BAIAP2: variants seen among roughly 807,000 people sequenced by gnomAD.
BAIAP2 encodes BAR/IMD domain-containing adapter protein 2.
BAIAP2 carries 18 observed loss-of-function variants against 63.0 expected under a neutral mutation model. The ratio of observed to expected loss-of-function variants is 0.29; its 90% CI spans 0.20 to 0.42. The LOEUF is 0.42. Among genes scored for constraint, BAIAP2 ranks in the 10% least tolerant of loss-of-function variants. The pLI, the probability that BAIAP2 is intolerant of heterozygous loss-of-function variation, is 1.00. For synonymous variants in BAIAP2, 386 were observed against 307.6 expected (o/e 1.25, Z -2.67); for missense variants, 610 against 734.3 (o/e 0.83, Z 1.96).
At chr17:81,048,665 G>A (rs2048198674) in intron 1 of BAIAP2, among the ~76,000 whole-genome samples, 1 of 152,138 alleles carries the variant, frequency 6.6e-6, no homozygotes, top group Admixed American at 6.5e-5. Flanking sequence ...AATGTTCTCT[G>A]ACGGCCACCT....
At chr17:81,114,136 AT>A (rs58461450) in intron 13 of BAIAP2, among the ~76,000 whole-genome samples, 18,636 of 124,526 alleles carry the variant, frequency 0.15, 1,264 homozygotes, top group Admixed American at 0.26. Flanking sequence ...CACCTGCCTA[AT>A]TTTTTTTTTT....
At chr17:81,081,126 G>C (rs1413688104) in intron 3 of BAIAP2, among the ~76,000 whole-genome samples, 1 of 152,220 alleles carries the variant, frequency 6.6e-6, no homozygotes, top group Non-Finnish European at 1.5e-5. Flanking sequence ...TGTCCAAGGG[G>C]CCCGAGAGCT....
rs532506888 is a variant in BAIAP2 at position 81,116,606 on chromosome 17, G to A, written c.*767G>A. The stretch of plus-strand genomic sequence containing the variant: ...CCCGCTGGCAGGTGGGGGCTTCCCC[G>A]CTTCCGGGGTCTGCCCCAGGACTCC... On this transcript the variant is annotated 3_prime_UTR_variant, in exon 14 of 14. Transcript: ENST00000428708. 13 of 445,252 alleles carry A rather than the reference G, an allele frequency of 2.9e-5. No individual in the cohort carries two copies. The East Asian group carries it at 3.5e-4, about 12-fold the overall frequency. 27.6% of individuals were successfully genotyped at this position (445,252 alleles called of 1,614,324 possible).
intron 1 of BAIAP2, among the ~76,000 whole-genome samples, chr17:81,037,693 C>T (rs1013231988): frequency 6.6e-6 from 1 of 152,252 alleles, no homozygotes; most frequent in African/African-American, 2.4e-5. Context: ...TTGCAGAGCC[C>T]TGGCAGTGCC....
chr17:81,104,187 A>C, intron 9 of BAIAP2, 79 bp downstream of exon 9: 8 of 1,455,928 alleles, frequency 5.5e-6, no homozygotes, highest in Non-Finnish European at 7.6e-6. Flanking sequence ...ACAACCCTCA[A>C]TAGGGGCCTG....
intron 1 of BAIAP2, among the ~76,000 whole-genome samples, chr17:81,049,621 T>TA (rs1377876328): frequency 6.6e-6 from 1 of 152,232 alleles, no homozygotes; most frequent in Non-Finnish European, 1.5e-5. Flanking sequence ...TGCAAAAAGA[T>TA]ACACTCGCTC....
chr17:81,081,958 G>A (rs72634323), intron 3 of BAIAP2, among the ~76,000 whole-genome samples: 34,200 of 152,106 alleles, frequency 0.22, 4,282 homozygotes, highest in East Asian at 0.49. Flanking sequence ...CCAGGGCTGG[G>A]GCTGGCATCC....
intron 13 of BAIAP2, chr17:81,109,885 G>A: frequency 3.0e-6 from 3 of 985,458 alleles, no homozygotes; most frequent in Non-Finnish European, 3.6e-6. Flanking sequence ...CTCTGGGCAG[G>A]GTGTGCGGGC....
intron 1 of BAIAP2, among the ~76,000 whole-genome samples, chr17:81,050,718 C>G (rs112145291): frequency 1.2e-5 from 1 of 80,530 alleles, no homozygotes; most frequent in Non-Finnish European, 3.3e-5. Context: ...AGCACACACA[C>G]GCACACAAAT....
intron 6 of BAIAP2, among the ~76,000 whole-genome samples, chr17:81,099,226 A>T (rs960665036): frequency 6.6e-6 from 1 of 150,442 alleles, no homozygotes; most frequent in Non-Finnish European, 1.5e-5. Flanking sequence ...CTCCCCACGA[A>T]CTTCCTTCTC....
At chr17:81,048,863 A>G (rs929925810) in intron 1 of BAIAP2, among the ~76,000 whole-genome samples, 1 of 152,154 alleles carries the variant, frequency 6.6e-6, no homozygotes, top group Non-Finnish European at 1.5e-5. Context: ...GCGTGCGGGC[A>G]TCCCTGGGCA....
intron 2 of BAIAP2, among the ~76,000 whole-genome samples, chr17:81,054,337 C>G: frequency 6.6e-6 from 1 of 151,640 alleles, no homozygotes; most frequent in Admixed American, 6.6e-5. Context: ...GCCCGGGCCC[C>G]GTGGGGTGGG....
Position 81,106,060 on chromosome 17 carries a change from C to G in BAIAP2, c.1269-18C>G, listed in dbSNP as rs2059147953. The G allele has an allele frequency of 6.4e-7, 1 of 1,565,474 alleles. No individual in the cohort carries two copies. Among genetic ancestry groups the G allele is most frequent in the Non-Finnish European group, 8.7e-7 (1 of 1,154,740 alleles). On this transcript the variant is annotated intron_variant, in intron 10 of 13. Coordinates refer to ENST00000428708, the MANE Select transcript of BAIAP2 (RefSeq NM_001144888.2). ...CCTCTGGGCTGAGCGTGGCTCTTAC[C>G]TGGGGCCTCTCTTCCAGGCGGGGCT...
At chr17:81,109,830 A>G (rs1185140155) in intron 13 of BAIAP2, 1 of 985,226 alleles carries the variant, frequency 1.0e-6, no homozygotes, top group East Asian at 1.1e-4. Flanking sequence ...CATTCCTTTG[A>G]CCAGCCTTGT....
At chr17:81,036,634 A>G (rs1049604609) in intron 1 of BAIAP2, among the ~76,000 whole-genome samples, 1 of 152,188 alleles carries the variant, frequency 6.6e-6, no homozygotes, top group African/African-American at 2.4e-5. Context: ...TGTGCGGTCG[A>G]CTAGATGAGT....
intron 13 of BAIAP2, among the ~76,000 whole-genome samples, chr17:81,111,344 G>C (rs2059906646): frequency 6.6e-6 from 1 of 152,256 alleles, no homozygotes; most frequent in Non-Finnish European, 1.5e-5. Flanking sequence ...GCGCCAGCTT[G>C]GGCTCCTTCG....
chr17:81,036,763 G>A (rs940051550), intron 1 of BAIAP2: 13 of 1,051,846 alleles, frequency 1.2e-5, no homozygotes, highest in Non-Finnish European at 1.5e-5. Context: ...GTGGCATACG[G>A]TTCTGGCCTT....
intron 4 of BAIAP2, 37 bp downstream of exon 4, chr17:81,084,930 C>A: frequency 1.2e-6 from 2 of 1,606,338 alleles, no homozygotes; most frequent in Non-Finnish European, 1.7e-6. Flanking sequence ...CGAGGAGGGG[C>A]AGGTGCGACG....
At chr17:81,044,511 C>T (rs1326641421) in intron 1 of BAIAP2, among the ~76,000 whole-genome samples, 11 of 152,236 alleles carry the variant, frequency 7.2e-5, no homozygotes, top group African/African-American at 1.7e-4. Context: ...TTACTTTTAT[C>T]GCCTTCCTAA....
Sources: gnomAD v4.1 joint callset for allele counts (sites outside exome capture counted in the v4.1 genomes callset) on GRCh38, gnomAD v4.1.1 for gene constraint, MANE v1.5 for transcripts, NCBI Gene and HGNC (gene_info 2026-07-23, HGNC 2026-07-21) for gene names.